Variants in ASCC2 observed in about 807,000 individuals in gnomAD.
ASCC2 encodes the protein activating signal cointegrator 1 complex subunit 2, also known as ASC-1 complex subunit P100.
A neutral mutation model predicts 93.5 loss-of-function variants in ASCC2; 42 were observed. The ratio of observed to expected loss-of-function variants is 0.45; its 90% CI spans 0.35 to 0.58. The LOEUF is 0.58. ASCC2 is among the 20% of genes least tolerant of loss of function. ASCC2 has a pLI of 0.00. For missense variants in ASCC2, 859 were observed against 977.6 expected (o/e 0.88, Z 1.62); for synonymous variants, 364 against 384.2 (o/e 0.95, Z 0.62).
Position 29,832,270 on chromosome 22 carries a change from C to T in ASCC2, c.56G>A (p.Gly19Glu). ...LQITHKDPKT[G>E]KLRTSPALHP... is the part of the protein sequence containing the mutation. ...CAGCGCTGGTGAAGTCCTCAGCTTT[C>T]CTGTCTTCGGGTCCTTGTGGGTGAT... Residue 19 changes from glycine (G) to glutamate (E), a missense_variant, in exon 2 of 20, where the codon GGA (glycine) becomes GAA (glutamate). Transcript: ENST00000307790. 1 of 1,614,014 alleles carries T rather than the reference C, an allele frequency of 6.2e-7. No individual in the cohort carries two copies. The highest frequency in any genetic ancestry group is 8.5e-7 in the Non-Finnish European group (1 of 1,179,942).
Position 29,825,770 on chromosome 22 carries a change from T to C in ASCC2, c.92A>G (p.Gln31Arg). 1 of 1,608,826 alleles carries C rather than the reference T, an allele frequency of 6.2e-7. No individual in the cohort carries two copies. Among genetic ancestry groups the C allele is most frequent in the Non-Finnish European group, 8.5e-7 (1 of 1,175,704 alleles). Residue 31 changes from glutamine (Q) to arginine (R), a missense_variant, in exon 3 of 20, where the codon CAG becomes CGG. Gln to Arg is a conservative substitution (Grantham distance 43). Coordinates refer to ENST00000307790, the MANE Select transcript of ASCC2 (RefSeq NM_032204.5). This position sits in a 1 kb window ranked among gnomAD's most constrained non-coding sequence, Gnocchi z 4.9. ...TAACACAAAATACCGGTCTGCCTTCTGCTCGGGGTGCTACGGATCCAAAAA... is the reference window on the plus strand; with the variant it reads ...TAACACAAAATACCGGTCTGCCTTCCGCTCGGGGTGCTACGGATCCAAAAA... ...LRTSPALHPE[Q>R]KADRYFVLYK...
chr22:29,833,617 G>C (rs968633314), intron 1 of ASCC2: 3 of 470,898 alleles, frequency 6.4e-6, no homozygotes, highest in Non-Finnish European at 1.3e-5. Flanking sequence ...CACTTGGCCT[G>C]ACCCACAGAA....
At chr22:29,827,976 CA>C (rs1214454822) in intron 2 of ASCC2, among the ~76,000 whole-genome samples, 17 of 149,966 alleles carry the variant, frequency 1.1e-4, no homozygotes, top group Non-Finnish European at 1.9e-4. Context: ...CACACACACA[CA>C]CACCCCTGAG....
intron 13 of ASCC2, 56 bp from the exon 14 acceptor site, chr22:29,802,264 C>T: frequency 6.4e-7 from 1 of 1,564,120 alleles, no homozygotes; most frequent in Non-Finnish European, 8.8e-7. Flanking sequence ...GTGATAGGGC[C>T]ACAGGCCCCA....
rs2059002842 is a variant in ASCC2 at position 29,800,894 on chromosome 22, A to G, written c.1688+97T>C. On this transcript the variant is annotated intron_variant, in intron 15 of 19. Coordinates refer to ENST00000307790, the MANE Select transcript of ASCC2 (RefSeq NM_032204.5). ...GAAGGGATCCCTGTGCTGATACTCC[A>G]TGGCCAATTCTGCGAAGATGGAGCC... 9 of 1,445,230 alleles carry G rather than the reference A, an allele frequency of 6.2e-6. No homozygotes were observed. In the East Asian group the frequency reaches 1.2e-4, roughly 19 times the overall value. 89.5% of individuals were successfully genotyped at this position (1,445,230 alleles called of 1,614,324 possible).
At chr22:29,793,804 C>A in intron 15 of ASCC2, 128 bp from the exon 16 acceptor site, 2 of 868,336 alleles carry the variant, frequency 2.3e-6, no homozygotes, top group East Asian at 2.9e-5. Context: ...CAAATGAAAT[C>A]AAGCATTGGT....
Position 29,789,021 on chromosome 22 carries a change from G to C in ASCC2, c.2266C>G (p.Pro756Ala), listed in dbSNP as rs755809868. The stretch of plus-strand genomic sequence containing the variant: ...TGGCCCTGCACCAGGTCTCAGGATG[G>C]GATCATGCCTTTGCTCCTCTTGCGG... ...ADRKRSKGMI[P>A]S The change falls in exon 20 of 20, where the codon CCA becomes GCA. Residue 756 changes from proline (P) to alanine (A), a missense_variant. Physicochemically the swap from Pro to Ala is conservative, Grantham distance 27. Transcript: ENST00000307790. 23 of 1,614,078 alleles carry C rather than the reference G, an allele frequency of 1.4e-5. No homozygotes were observed. The African/African-American group carries it at 2.9e-4, about 21-fold the overall frequency.
Position 29,804,689 on chromosome 22 carries a change from T to C in ASCC2, c.1302A>G (p.Ala434=). Residue 434 remains alanine (A), a synonymous_variant, in exon 13 of 20, where the codon GCA becomes GCG. Transcript: ENST00000307790. The part of the protein sequence containing the change: ...NGEPNGVTVT[A]EAVSQASSHP... ...GTGATGATGCTTGACTGACTGCCTCTGCTGTCACCGTGACCCCGTTAGGCT... is the reference window on the plus strand; with the variant it reads ...GTGATGATGCTTGACTGACTGCCTCCGCTGTCACCGTGACCCCGTTAGGCT... 1 of 1,613,882 alleles carries C rather than the reference T, an allele frequency of 6.2e-7. No individual in the cohort carries two copies. Among genetic ancestry groups the C allele is most frequent in the Non-Finnish European group, 8.5e-7 (1 of 1,179,770 alleles).
chr22:29,807,267 A>C (rs1355454396), intron 9 of ASCC2, among the ~76,000 whole-genome samples: 2 of 151,044 alleles, frequency 1.3e-5, no homozygotes, highest in Non-Finnish European at 3.0e-5. Flanking sequence ...AAAAGGGAAA[A>C]GAAAAAGAAA....
intron 9 of ASCC2, among the ~76,000 whole-genome samples, 187 bp downstream of exon 9, chr22:29,807,924 C>CA (rs907408759): frequency 2.7e-5 from 4 of 150,164 alleles, no homozygotes; most frequent in African/African-American, 7.4e-5. Flanking sequence ...ACAACAACAA[C>CA]AACAAAAAAA....
intron 13 of ASCC2, 52 bp downstream of exon 13, chr22:29,804,586 T>C (rs1159639210): frequency 5.7e-6 from 9 of 1,579,314 alleles, no homozygotes; most frequent in Non-Finnish European, 7.8e-6. Context: ...GCCTCTCAGA[T>C]AGGGCCAAGG....
chr22:29,790,900 C>T (rs2057655181), intron 18 of ASCC2, among the ~76,000 whole-genome samples: 1 of 152,134 alleles, frequency 6.6e-6, no homozygotes. Context: ...GCCCTGAAGA[C>T]TGCGGGAGCC....
chr22:29,793,556 G>T (rs1449218342), intron 16 of ASCC2, 21 bp downstream of exon 16: 1 of 1,613,576 alleles, frequency 6.2e-7, no homozygotes, highest in Admixed American at 1.7e-5. Flanking sequence ...GCCCAGCAGA[G>T]ACCTGGCCTT....
intron 5 of ASCC2, among the ~76,000 whole-genome samples, chr22:29,820,913 C>CAAAAAA (rs376815823): frequency 5.8e-5 from 4 of 69,272 alleles, no homozygotes; most frequent in South Asian, 4.7e-4. Flanking sequence ...TCTCAATACA[C>CAAAAAA]AAAAAAAAAA....
chr22:29,798,757 A>G (rs912227828), intron 15 of ASCC2, among the ~76,000 whole-genome samples: 3 of 152,126 alleles, frequency 2.0e-5, no homozygotes, highest in Non-Finnish European at 4.4e-5. Flanking sequence ...TACTTGTTTA[A>G]TGGTCTTTCT....
Position 29,825,879 on chromosome 22 carries a change from G to A in ASCC2, c.82-99C>T, listed in dbSNP as rs1289439946. The A allele has an allele frequency of 7.1e-7, 1 of 1,416,146 alleles. No individual in the cohort carries two copies. Among genetic ancestry groups the A allele is most frequent in the Non-Finnish European group, 9.6e-7 (1 of 1,040,972 alleles). 87.7% of individuals were successfully genotyped at this position (1,416,146 alleles called of 1,614,324 possible). A position where few individuals can be genotyped will look rare whatever the true frequency, so the allele number is the denominator to read the frequency against. ...TGACAACACTTGGCTGTTCCAACCG[G>A]TGACCCTCCAAGGAGCTTTTAAGCA... On this transcript the variant is annotated intron_variant, in intron 2 of 19. Transcript: ENST00000307790. The surrounding 1 kb of genome is among the most constrained non-coding windows in gnomAD (Gnocchi z 4.9).
intron 15 of ASCC2, among the ~76,000 whole-genome samples, chr22:29,797,106 G>C (rs1015939721): frequency 6.6e-6 from 1 of 152,150 alleles, no homozygotes; most frequent in Non-Finnish European, 1.5e-5. Flanking sequence ...GAGCCAGAAA[G>C]GAAAAAGAAA....
chr22:29,813,604 A>C, intron 7 of ASCC2, 62 bp from the exon 8 acceptor site: 1 of 1,093,508 alleles, frequency 9.1e-7, no homozygotes, highest in South Asian at 1.3e-5. Flanking sequence ...TCTGCAGAGC[A>C]CCTGAGACAA....
At chr22:29,803,146 G>C (rs2059289430) in intron 13 of ASCC2, among the ~76,000 whole-genome samples, 4 of 151,318 alleles carry the variant, frequency 2.6e-5, no homozygotes, top group African/African-American at 9.7e-5. Context: ...AGTTACTCAG[G>C]AGGCTGACAC....
Sources: allele counts gnomAD v4.1 joint callset (sites outside exome capture counted in the v4.1 genomes callset), GRCh38; gene constraint gnomAD v4.1.1; non-coding constraint Gnocchi (gnomAD v3.1); transcripts MANE v1.5; gene names NCBI Gene and HGNC (gene_info 2026-07-23, HGNC 2026-07-21).